Variants in UHRF2 observed in about 807,000 individuals in gnomAD.
The protein encoded by UHRF2 is E3 ubiquitin-protein ligase UHRF2.
A neutral mutation model predicts 96.8 loss-of-function variants in UHRF2; 23 were observed. The observed-to-expected ratio is 0.24, with a 90% confidence interval of 0.17 to 0.34. UHRF2 has a LOEUF of 0.34. Among genes scored for constraint, UHRF2 ranks in the 10% least tolerant of loss-of-function variants. The pLI is 1.00. For synonymous variants in UHRF2, 385 were observed against 332.6 expected, an observed-to-expected ratio of 1.16 and a Z score of -1.72; for missense variants, 685 against 981.5, an observed-to-expected ratio of 0.70 and a Z score of 4.04.
chr9:6,506,055 A>G lies in UHRF2; in HGVS notation c.2285A>G (p.Lys762Arg). The G allele has an allele frequency of 6.2e-7, 1 of 1,614,194 alleles. No individual in the cohort carries two copies. The highest frequency in any genetic ancestry group is 1.1e-5 in the South Asian group (1 of 91,082). Residue 762 changes from lysine (K) to arginine (R), a missense_variant, in exon 16 of 16, where the codon AAG becomes AGG. Coordinates refer to ENST00000276893, the MANE Select transcript of UHRF2 (RefSeq NM_152896.3). ...VCKDCLQRSF[K>R]AQVFSCPACR... ...TAGGATTGCCTACAGCGCTCCTTTAAGGCACAGGTTTTCTCCTGCCCTGCT... is the reference window on the plus strand; with the variant it reads ...TAGGATTGCCTACAGCGCTCCTTTAGGGCACAGGTTTTCTCCTGCCCTGCT...
Position 6,420,990 on chromosome 9 carries a change from G to T in UHRF2, c.232G>T (p.Asp78Tyr), listed in dbSNP as rs777179392. 6.2e-7 allele frequency: 1 copy of T among 1,613,666 alleles called. No homozygotes were observed. The highest frequency in any genetic ancestry group is 1.7e-5 in the Admixed American group (1 of 59,992). ...IIQLLVRPDP[D>Y]HLPGTSTQIE... ...TCAGCTGCTAGTTCGCCCAGACCCT[G>T]ATCATCTTCCTGGCACATCTACACA... The change falls in exon 2 of 16, where the codon GAT becomes TAT. Residue 78 changes from aspartate (D) to tyrosine (Y), a missense_variant. Coordinates refer to ENST00000276893, the MANE Select transcript of UHRF2 (RefSeq NM_152896.3).
At chr9:6,482,462 T>C (rs1050580327) in intron 8 of UHRF2, among the ~76,000 whole-genome samples, 1 of 152,154 alleles carries the variant, frequency 6.6e-6, no homozygotes, top group African/African-American at 2.4e-5. Context: ...TTGTTTCAGG[T>C]GTTGTTTTTG....
At chr9:6,495,205 T>G (rs1179877768) in intron 10 of UHRF2, 1 of 152,198 alleles carries the variant, frequency 6.6e-6, no homozygotes, top group East Asian at 1.9e-4. Context: ...TAAGATTCCT[T>G]TCACACTTTT....
In UHRF2 at chr9:6,459,779, C is replaced by T. The variant is rs528231625; in HGVS notation, c.645-794C>T. On this transcript the variant is annotated intron_variant, in intron 3 of 15. Coordinates refer to ENST00000276893, the MANE Select transcript of UHRF2 (RefSeq NM_152896.3). ...CTTGAGGCCAGGAGTTCTAAACCAG[C>T]GTCATGAACATAGTAAGACCCTGCT... Among the ~76,000 whole-genome samples, 21 of 152,330 alleles carry T rather than the reference C, an allele frequency of 1.4e-4. No homozygotes were observed. The South Asian group carries it at 2.7e-3, about 20-fold the overall frequency.
intron 10 of UHRF2, 32 bp downstream of exon 10, chr9:6,493,964 C>T (rs1824822184): frequency 6.3e-7 from 1 of 1,586,006 alleles, no homozygotes; most frequent in East Asian, 2.3e-5. Flanking sequence ...AGAATTTGAA[C>T]ATTGAATAAA....
chr9:6,420,406 AATT>A (rs930237148), intron 1 of UHRF2, among the ~76,000 whole-genome samples: 5 of 79,388 alleles, frequency 6.3e-5, no homozygotes, highest in African/African-American at 2.0e-4. Flanking sequence ...AATATGGAGT[AATT>A]ATTAAGAATT....
At chr9:6,468,470 C>T in intron 4 of UHRF2, 1 of 456,068 alleles carries the variant, frequency 2.2e-6, no homozygotes. Context: ...GCGGGTATGT[C>T]TCTGGAGAGG....
At chr9:6,490,866 A>G (rs1236807778) in intron 9 of UHRF2, among the ~76,000 whole-genome samples, 1 of 152,204 alleles carries the variant, frequency 6.6e-6, no homozygotes, top group African/African-American at 2.4e-5. Flanking sequence ...TTTTATAAGC[A>G]TTTTCAACTT....
chr9:6,413,558 C>G lies in UHRF2; in HGVS notation c.68C>G (p.Ala23Gly). ...ACCATTGAGGACGTGTCTCGCAAAG[C>G]CACGATTGAGGAGCTGCGCGAGCGG... ...TCTIEDVSRK[A>G]TIEELRERVW... The change falls in exon 1 of 16, where the codon GCC (alanine) becomes GGC (glycine). Residue 23 changes from alanine (A) to glycine (G), a missense_variant. Ala to Gly is a moderately conservative substitution (Grantham distance 60). This residue lies in a region of UHRF2 where 38 missense variants were observed against 35.9 expected (regional missense o/e 1.06). Coordinates refer to ENST00000276893, the MANE Select transcript of UHRF2 (RefSeq NM_152896.3). The G allele has an allele frequency of 6.2e-7, 1 of 1,601,232 alleles. No individual in the cohort carries two copies. The highest frequency in any genetic ancestry group is 8.5e-7 in the Non-Finnish European group (1 of 1,174,506).
At chr9:6,484,033 T>G (rs990023064) in intron 8 of UHRF2, among the ~76,000 whole-genome samples, 1 of 151,988 alleles carries the variant, frequency 6.6e-6, no homozygotes, top group Non-Finnish European at 1.5e-5. Flanking sequence ...TTTAAAATTT[T>G]AGTTGTCTCC....
At chr9:6,451,041 T>G (rs558533076) in intron 3 of UHRF2, among the ~76,000 whole-genome samples, 5 of 152,336 alleles carry the variant, frequency 3.3e-5, no homozygotes, top group African/African-American at 1.2e-4. Context: ...ACTTAACCTC[T>G]GTGGTTTTAT....
chr9:6,499,296 A>G (rs1587883614), intron 12 of UHRF2: 1 of 145,454 alleles, frequency 6.9e-6, no homozygotes, highest in African/African-American at 2.5e-5. Flanking sequence ...AGGATGATAG[A>G]TAGAATGTAT....
chr9:6,424,197 T>C (rs1820105525), intron 2 of UHRF2, among the ~76,000 whole-genome samples: 1 of 152,156 alleles, frequency 6.6e-6, no homozygotes, highest in African/African-American at 2.4e-5. Flanking sequence ...TGAGAAAATG[T>C]TTTAGAAAGT....
intron 12 of UHRF2, chr9:6,499,628 GC>G (rs1825159065): frequency 2.8e-6 from 1 of 362,164 alleles, no homozygotes; most frequent in South Asian, 5.7e-5. Context: ...GAATCTCTTA[GC>G]AGTCACAGCT....
intron 4 of UHRF2, among the ~76,000 whole-genome samples, chr9:6,474,424 G>C (rs1472098039): frequency 5.3e-5 from 8 of 152,156 alleles, no homozygotes. Context: ...AGGAGAAATG[G>C]GCTGGGTGTG....
At chr9:6,485,274 T>A (rs947024959) in intron 8 of UHRF2, among the ~76,000 whole-genome samples, 2 of 152,224 alleles carry the variant, frequency 1.3e-5, no homozygotes, top group African/African-American at 4.8e-5. Flanking sequence ...ACTATAAATA[T>A]AGTAAAAATA....
At position 6,502,574 on chromosome 9, in the gene UHRF2, C is replaced by G. The variant is rs188448352; in HGVS notation, c.2163+1865C>G. Among the ~76,000 whole-genome samples, 26 of 152,324 alleles carry G rather than the reference C, an allele frequency of 1.7e-4. No homozygotes were observed. The East Asian group carries it at 4.6e-3, about 27-fold the overall frequency. ...AGTAGCTGGGTTTATAGGCATGAGT[C>G]AGTTTGCTCTGTTTCATCAGTTATT... On this transcript the variant is annotated intron_variant, in intron 14 of 15. Transcript: ENST00000276893.
At chr9:6,441,471 G>A (rs1821158113) in intron 3 of UHRF2, among the ~76,000 whole-genome samples, 1 of 152,032 alleles carries the variant, frequency 6.6e-6, no homozygotes, top group Admixed American at 6.6e-5. Flanking sequence ...CAGTCCTGGA[G>A]TTGGCTGAGC....
chr9:6,415,048 A>G (rs1819511686), intron 1 of UHRF2: 2 of 152,186 alleles, frequency 1.3e-5, no homozygotes, highest in African/African-American at 4.8e-5. Flanking sequence ...TAATCGTTTG[A>G]TGCATTTTAT....
Sources: allele counts gnomAD v4.1 joint callset (sites outside exome capture counted in the v4.1 genomes callset), GRCh38; gene constraint gnomAD v4.1.1; regional missense constraint gnomAD v4.1.1; transcripts MANE v1.5; gene names NCBI Gene and HGNC (gene_info 2026-07-23, HGNC 2026-07-21).